The following AKR1C3 variants were observed in gnomAD, a reference collection of about 807,000 sequenced individuals.
The protein encoded by AKR1C3 is 3-alpha hydroxysteroid dehydrogenase, type II.
In AKR1C3, 48 loss-of-function variants were observed where a neutral mutation model predicts 43.6. The ratio of observed to expected loss-of-function variants is 1.10; its 90% CI spans 0.87 to 1.40. The LOEUF (loss-of-function observed/expected upper bound fraction) is 1.40, where lower values mean the gene tolerates loss of function less well. Ranked by LOEUF, AKR1C3 falls within the 40% of genes most tolerant of loss-of-function variation. AKR1C3 has a pLI of 0.00. For synonymous variants in AKR1C3, 162 were observed against 139.6 expected (o/e 1.16, Z -1.13); for missense variants, 482 against 391.2 (o/e 1.23, Z -1.96).
intron 7 of AKR1C3, among the ~76,000 whole-genome samples, chr10:5,103,907 AAT>A (rs1325117981): frequency 1.3e-5 from 2 of 152,138 alleles, no homozygotes; most frequent in East Asian, 1.9e-4. Context: ...ATGATGGATT[AAT>A]ATATGATAGG....
At chr10:5,061,053 C>T (rs999301351) in intron 1 of AKR1C3, among the ~76,000 whole-genome samples, 18 of 152,278 alleles carry the variant, frequency 1.2e-4, no homozygotes, top group African/African-American at 3.6e-4. Flanking sequence ...GCTGAGGGAG[C>T]GAGCTCTGGC....
At chr10:5,062,300 T>C (rs1465341268) in intron 1 of AKR1C3, among the ~76,000 whole-genome samples, 2 of 152,218 alleles carry the variant, frequency 1.3e-5, no homozygotes, top group Admixed American at 6.5e-5. Flanking sequence ...CCTTAAACTA[T>C]GTATTCCTTA....
At chr10:5,050,913 T>G (rs1838139998) in intron 1 of AKR1C3, among the ~76,000 whole-genome samples, 1 of 152,260 alleles carries the variant, frequency 6.6e-6, no homozygotes, top group Non-Finnish European at 1.5e-5. Context: ...CCAGTAGCCA[T>G]TCACACTCAA....
intron 1 of AKR1C3, among the ~76,000 whole-genome samples, chr10:5,063,776 A>AAAAAAAAAAAAAAAAAAAAAAAAC: frequency 6.9e-6 from 1 of 145,618 alleles, no homozygotes; most frequent in Non-Finnish European, 1.5e-5. Context: ...AAAAAAAAAA[A>AAAAAAAAAAAAAAAAAAAAAAAAC]AAAAAAAAAA....
intron 3 of AKR1C3, 135 bp downstream of exon 3, chr10:5,097,685 C>A: frequency 6.5e-7 from 1 of 1,533,506 alleles, no homozygotes. Flanking sequence ...AAGTGGAACA[C>A]CTAATTTCCT....
Position 5,102,217 on chromosome 10 carries a change from A to C in AKR1C3, c.680+7A>C. The C allele has an allele frequency of 1.2e-6, 2 of 1,608,612 alleles. No individual in the cohort carries two copies. Among genetic ancestry groups the C allele is most frequent in the Non-Finnish European group, 1.7e-6 (2 of 1,175,220 alleles). On this transcript the variant is annotated splice_region_variant and intron_variant, in intron 6 of 8. Transcript: ENST00000380554. Reference sequence around the variant, plus strand: ...CTCAACGAGACAAACGATGGTAATAAAAACAATGGGACCTTTACATAAACC... The same window carrying C: ...CTCAACGAGACAAACGATGGTAATACAAACAATGGGACCTTTACATAAACC...
At position 5,057,109 on chromosome 10, in the gene AKR1C3, C is replaced by A. The variant is rs562816454; in HGVS notation, c.84+8214C>A. On this transcript the variant is annotated intron_variant, in intron 1 of 8. Coordinates refer to the AKR1C3 transcript ENST00000439082. ...GGTTGGGGGCTTCTGACCCAGGGAA[C>A]CTTTGTCCTCTGGGGCAGTGCACCT... Among the ~76,000 whole-genome samples, 7 of 152,334 alleles carry A rather than the reference C, an allele frequency of 4.6e-5. No homozygotes were observed. The East Asian group carries it at 1.3e-3, about 29-fold the overall frequency.
upstream of AKR1C3, among the ~76,000 whole-genome samples, chr10:5,090,631 C>T (rs1199897678): frequency 1.3e-5 from 2 of 152,106 alleles, no homozygotes; most frequent in Non-Finnish European, 2.9e-5. Flanking sequence ...CACCTTTCAG[C>T]ACTTCTGTGT....
At position 5,063,435 on chromosome 10, in the gene AKR1C3, A is replaced by C. The variant is rs114512050; in HGVS notation, c.84+14540A>C. Among the ~76,000 whole-genome samples, 1,489 of 152,278 alleles carry C rather than the reference A, an allele frequency of 9.8e-3. 23 individuals carry two copies. Among genetic ancestry groups the C allele is most frequent in the African/African-American group, 0.034 (1,401 of 41,538 alleles). On this transcript the variant is annotated intron_variant, in intron 1 of 8. Coordinates refer to the AKR1C3 transcript ENST00000439082. Reference sequence around the variant, plus strand: ...CAATGTCATTTTAAAAAATCACATAACCTTACGAAATGGTAGTAAAGGTGA... The same window carrying C: ...CAATGTCATTTTAAAAAATCACATACCCTTACGAAATGGTAGTAAAGGTGA...
rs563011497 is a variant in AKR1C3, at chr10:5,085,954, A to T, written c.85-10456A>T. Among the ~76,000 whole-genome samples, 282 of 151,188 alleles carry T rather than the reference A, an allele frequency of 1.9e-3. 9 individuals carry two copies. The highest frequency in any genetic ancestry group is 6.6e-3 in the African/African-American group (269 of 40,924). The stretch of plus-strand genomic sequence containing the variant: ...TATCATTTTTTATTGCGTCTATTTG[A>T]TTCTTCTCTCTTTTCTTTTTTATTA... On this transcript the variant is annotated intron_variant, in intron 1 of 8. Coordinates refer to the AKR1C3 transcript ENST00000439082.
chr10:5,057,922 A>G (rs1270246873), intron 1 of AKR1C3, among the ~76,000 whole-genome samples: 1 of 152,146 alleles, frequency 6.6e-6, no homozygotes, highest in East Asian at 1.9e-4. Flanking sequence ...TTTGCCCTAG[A>G]CCCTGTAGGA....
At chr10:5,073,120 C>T (rs1442107412) in intron 1 of AKR1C3, among the ~76,000 whole-genome samples, 1 of 152,002 alleles carries the variant, frequency 6.6e-6, no homozygotes, top group African/African-American at 2.4e-5. Flanking sequence ...GGCACCACCC[C>T]ACCCAGCTAA....
intron 1 of AKR1C3, among the ~76,000 whole-genome samples, chr10:5,053,431 C>T (rs1407583286): frequency 3.3e-5 from 5 of 152,240 alleles, no homozygotes; most frequent in Admixed American, 6.5e-5. Flanking sequence ...ACCCGGAACT[C>T]GTGCTGGCCC....
intron 1 of AKR1C3, among the ~76,000 whole-genome samples, chr10:5,058,547 G>T (rs1336915605): frequency 6.6e-6 from 1 of 152,088 alleles, no homozygotes; most frequent in African/African-American, 2.4e-5. Flanking sequence ...CTGTGGTTTT[G>T]GTTTGTTTTG....
chr10:5,057,159 G>C (rs1838277893), intron 1 of AKR1C3, among the ~76,000 whole-genome samples: 2 of 152,142 alleles, frequency 1.3e-5, no homozygotes, highest in Admixed American at 1.3e-4. Context: ...CAGCATAGTG[G>C]ACATGGATGA....
At chr10:5,095,411 C>A (rs2067991027) in intron 1 of AKR1C3, among the ~76,000 whole-genome samples, 1 of 150,982 alleles carries the variant, frequency 6.6e-6, no homozygotes, top group African/African-American at 2.4e-5. Context: ...AAAATAACGA[C>A]ACAACTGAAG....
At chr10:5,094,215 C>A, upstream of AKR1C3, 3 of 314,704 alleles carry the variant, frequency 9.5e-6, no homozygotes, top group East Asian at 1.6e-4. Flanking sequence ...TTTATTATAA[C>A]CATATATTAT....
chr10:5,068,426 G>A lies in AKR1C3; in HGVS notation c.84+19531G>A, dbSNP rs189464521. Among the ~76,000 whole-genome samples the A allele has an allele frequency of 1.5e-4, 22 of 150,090 alleles. 1 individual carries two copies. In the South Asian group the frequency reaches 3.6e-3, roughly 24 times the overall value. ...ATTTTGAAACTGAAGTTTGATTTTG[G>A]AATTCCAGATTGCCCTAAATTACTT... On this transcript the variant is annotated intron_variant, in intron 1 of 8. Coordinates refer to the AKR1C3 transcript ENST00000439082.
At chr10:5,107,208 T>A (rs1839527481) in intron 8 of AKR1C3, among the ~76,000 whole-genome samples, 1 of 152,172 alleles carries the variant, frequency 6.6e-6, no homozygotes, top group South Asian at 2.1e-4. Flanking sequence ...CTGACAGATG[T>A]ACAGGAATAT....
Sources: gnomAD v4.1 joint callset for allele counts (sites outside exome capture counted in the v4.1 genomes callset) on GRCh38, gnomAD v4.1.1 for gene constraint, MANE v1.5 for transcripts, NCBI Gene and HGNC (gene_info 2026-07-23, HGNC 2026-07-21) for gene names.